The following APPL2 variants were observed in gnomAD, a reference collection of about 807,000 sequenced individuals.
APPL2 encodes DCC-interacting protein 13-beta.
Under a neutral mutation model 92.7 loss-of-function variants are expected in APPL2, and 84 were observed. That is an observed-to-expected ratio of 0.91 (90% CI 0.76 to 1.09). The LOEUF is 1.09. APPL2 is among the 50% of genes least tolerant of loss of function. The pLI is 0.00. For synonymous variants in APPL2, 291 were observed against 291.0 expected, an observed-to-expected ratio of 1.00 and a Z score of 0.00; for missense variants, 736 against 824.5, an observed-to-expected ratio of 0.89 and a Z score of 1.31.
intron 20 of APPL2, among the ~76,000 whole-genome samples, chr12:105,175,123 A>T (rs1249964550): frequency 6.6e-6 from 1 of 152,160 alleles, no homozygotes; most frequent in Non-Finnish European, 1.5e-5. Context: ...ACCTCAGGTG[A>T]TCCTCCTGCC....
intron 2 of APPL2, among the ~76,000 whole-genome samples, 190 bp downstream of exon 2, chr12:105,228,935 A>G (rs892185784): frequency 1.3e-5 from 2 of 152,076 alleles, no homozygotes; most frequent in Non-Finnish European, 2.9e-5. Flanking sequence ...AAGACAAATC[A>G]CTCTTAAGCA....
intron 15 of APPL2, 79 bp from the exon 16 acceptor site, chr12:105,189,903 T>C (rs1887050047): frequency 6.2e-7 from 1 of 1,611,482 alleles, no homozygotes; most frequent in East Asian, 2.2e-5. Context: ...GAAATCAGAA[T>C]GGCAACAGTC....
chr12:105,224,853 A>G (rs1158281824), intron 2 of APPL2, among the ~76,000 whole-genome samples: 1 of 150,634 alleles, frequency 6.6e-6, no homozygotes, highest in Non-Finnish European at 1.5e-5. Flanking sequence ...CTTGCTATCT[A>G]TATCATCATT....
rs1216398331 is a variant in APPL2 at position 105,183,599 on chromosome 12, G to C, written c.1634+4674C>G. On this transcript the variant is annotated intron_variant, in intron 17 of 20. Coordinates refer to ENST00000258530, the MANE Select transcript of APPL2 (RefSeq NM_018171.5). ...AAATGTGTGCCCCCACTCTTTTCTG[G>C]GTTGTAGCGTTTCTGCAGAGAGATC... 2.0e-5 allele frequency among the ~76,000 whole-genome samples: 3 copies of C among 152,156 alleles called. No individual in the cohort carries two copies. In the East Asian group the frequency reaches 5.8e-4, roughly 29 times the overall value.
rs1302528271 is a variant in APPL2, at chr12:105,217,160, G to A, written c.214-20C>T. 4 of 1,574,470 alleles carry A rather than the reference G, an allele frequency of 2.5e-6. No individual in the cohort carries two copies. In the African/African-American group the frequency reaches 4.1e-5, roughly 16 times the overall value. On this transcript the variant is annotated intron_variant, in intron 3 of 20. Coordinates refer to ENST00000258530, the MANE Select transcript of APPL2 (RefSeq NM_018171.5). The stretch of plus-strand genomic sequence containing the variant: ...AAAGTTCTAAGACCAAAGAATAAAA[G>A]AAGCAGGTGTTAAGTGAATACTGGG...
chr12:105,185,363 C>T (rs1886508051), intron 17 of APPL2, among the ~76,000 whole-genome samples: 1 of 152,196 alleles, frequency 6.6e-6, no homozygotes, highest in Admixed American at 6.5e-5. Flanking sequence ...CAGTTTTGTC[C>T]TTGAAACTTA....
intron 19 of APPL2, 169 bp downstream of exon 19, chr12:105,176,707 A>T: frequency 1.2e-6 from 1 of 820,180 alleles, no homozygotes; most frequent in Non-Finnish European, 1.9e-6. Context: ...AGAGAAATTT[A>T]AATCGAGTTT....
Position 105,190,040 on chromosome 12 carries a change from C to T in APPL2, c.1357G>A (p.Asp453Asn), listed in dbSNP as rs201971126. 7.3e-5 allele frequency: 118 copies of T among 1,614,184 alleles called. No homozygotes were observed. Among genetic ancestry groups the T allele is most frequent in the Middle Eastern group, 1.6e-4 (1 of 6,062 alleles). ...AATTCTGTAGCAGGAAGCACAATAT[C>T]GAATTGAATCGGCGTTCCAGGCGCG... Reference protein sequence around the residue: ...LIAPGTPIQFDIVLPATEFLD... With the variant: ...LIAPGTPIQFNIVLPATEFLD... Residue 453 changes from aspartate (D) to asparagine (N), a missense_variant, in exon 15 of 21, where the codon GAT becomes AAT. Asp to Asn is a conservative substitution (Grantham distance 23). Transcript: ENST00000258530.
At chr12:105,220,995 A>G (rs913489081) in intron 2 of APPL2, among the ~76,000 whole-genome samples, 1 of 152,240 alleles carries the variant, frequency 6.6e-6, no homozygotes, top group Non-Finnish European at 1.5e-5. Context: ...GTATGAGTTC[A>G]TCGGAAACCA....
chr12:105,218,958 C>T (rs1333090774), intron 2 of APPL2, among the ~76,000 whole-genome samples: 1 of 152,244 alleles, frequency 6.6e-6, no homozygotes, highest in African/African-American at 2.4e-5. Context: ...CGGTTTTCTA[C>T]CACTATCCTC....
intron 4 of APPL2, among the ~76,000 whole-genome samples, chr12:105,213,823 C>T (rs1324362364): frequency 6.6e-6 from 1 of 152,202 alleles, no homozygotes; most frequent in Admixed American, 6.5e-5. Flanking sequence ...TGGGTCTTTA[C>T]ATCAAAAGGT....
At chr12:105,234,138 G>A (rs1189153358) in intron 1 of APPL2, among the ~76,000 whole-genome samples, 1 of 152,142 alleles carries the variant, frequency 6.6e-6, no homozygotes, top group African/African-American at 2.4e-5. Flanking sequence ...CAAAAGCAAT[G>A]ACAAATAAAC....
At chr12:105,212,335 T>A (rs1427119652) in intron 4 of APPL2, among the ~76,000 whole-genome samples, 1 of 152,186 alleles carries the variant, frequency 6.6e-6, no homozygotes, top group Non-Finnish European at 1.5e-5. Context: ...ATAAAAATTA[T>A]CCCTATCAGT....
At chr12:105,181,813 C>CT (rs1886140836) in intron 17 of APPL2, among the ~76,000 whole-genome samples, 1 of 152,082 alleles carries the variant, frequency 6.6e-6, no homozygotes, top group South Asian at 2.1e-4. Flanking sequence ...TGATAATCCC[C>CT]TTTATCATTT....
At chr12:105,181,883 A>G (rs982461995) in intron 17 of APPL2, among the ~76,000 whole-genome samples, 4 of 152,168 alleles carry the variant, frequency 2.6e-5, no homozygotes, top group East Asian at 1.9e-4. Context: ...CTAGCAGTCT[A>G]TCAATTTTGT....
chr12:105,203,646 G>A, intron 9 of APPL2, 57 bp downstream of exon 9: 1 of 1,528,064 alleles, frequency 6.5e-7, no homozygotes, highest in Non-Finnish European at 9.1e-7. Context: ...TCCCAGAGAT[G>A]TCAGATCAGC....
At position 105,188,390 on chromosome 12, in the gene APPL2, G is replaced by A. The variant is rs762272581; in HGVS notation, c.1517C>T (p.Thr506Ile). ...ATAAATCACTTCAGTAGTGCTGTCT[G>A]TTTTAACTGCCATTGATCCCAAAAA... is the stretch of plus-strand genomic sequence containing the variant. ...VRFLGSMAVKTDSTTEVIYEA... is the reference protein window; with the variant it reads ...VRFLGSMAVKIDSTTEVIYEA... The change falls in exon 17 of 21, where the codon ACA becomes ATA. Residue 506 changes from threonine to isoleucine, a missense_variant. Transcript: ENST00000258530. The A allele has an allele frequency of 4.3e-6, 7 of 1,614,168 alleles. No homozygotes were observed. The highest frequency in any genetic ancestry group is 1.6e-4 in the Middle Eastern group (1 of 6,062).
At chr12:105,178,419 T>C (rs1240534366) in intron 17 of APPL2, among the ~76,000 whole-genome samples, 1 of 152,160 alleles carries the variant, frequency 6.6e-6, no homozygotes, top group African/African-American at 2.4e-5. Flanking sequence ...ATGGGTATTC[T>C]TTCTGAGGTG....
At chr12:105,235,117 TA>T (rs1328975764) in intron 1 of APPL2, among the ~76,000 whole-genome samples, 1 of 152,106 alleles carries the variant, frequency 6.6e-6, no homozygotes, top group Non-Finnish European at 1.5e-5. Flanking sequence ...CACTAGGAAA[TA>T]AAGGCACTTA....
Sources: allele counts gnomAD v4.1 joint callset (sites outside exome capture counted in the v4.1 genomes callset), GRCh38; gene constraint gnomAD v4.1.1; transcripts MANE v1.5; gene names NCBI Gene and HGNC (gene_info 2026-07-23, HGNC 2026-07-21).